Variants in KMT2A observed in about 807,000 individuals in gnomAD.
KMT2A encodes lysine methyltransferase 2A.
A neutral mutation model predicts 345.3 loss-of-function variants in KMT2A; 16 were observed. The ratio of observed to expected loss-of-function variants is 0.05; its 90% CI spans 0.03 to 0.07. The LOEUF (loss-of-function observed/expected upper bound fraction) is 0.07. Ranked by LOEUF, KMT2A falls within the 10% of genes least tolerant of loss-of-function variation. The pLI, the probability that KMT2A is intolerant of heterozygous loss-of-function variation, is 1.00. For synonymous variants in KMT2A, 1,599 were observed against 1,778.6 expected, an observed-to-expected ratio of 0.90 and a Z score of 2.54; for missense variants, 3,272 against 4,841.6, an observed-to-expected ratio of 0.68 and a Z score of 9.62.
rs781859799 is a variant in KMT2A, at chr11:118,484,102, G to T, written c.4087-81G>T. The T allele has an allele frequency of 7.1e-5, 93 of 1,308,890 alleles. No homozygotes were observed. Among genetic ancestry groups the T allele is most frequent in the Non-Finnish European group, 9.5e-5 (89 of 935,424 alleles). 81.1% of individuals were successfully genotyped at this position (1,308,890 alleles called of 1,614,324 possible). ...TTTTTTAGATCTATTAATAAAATTT[G>T]TCATTTGCATTATTATCTGTTGCAA... On this transcript the variant is annotated intron_variant, in intron 8 of 35. Coordinates refer to ENST00000534358, the MANE Select transcript of KMT2A (RefSeq NM_001197104.2). The surrounding 1 kb of genome is among the most constrained non-coding windows in gnomAD (Gnocchi z 4.1).
chr11:118,469,924 A>G (rs999324483), intron 2 of KMT2A, among the ~76,000 whole-genome samples: 5 of 152,242 alleles, frequency 3.3e-5, no homozygotes, highest in African/African-American at 1.2e-4. Flanking sequence ...TATCTGTGCT[A>G]TTCAGACAGT....
At position 118,511,666 on chromosome 11, in the gene KMT2A, G is replaced by A. The variant is rs9332853; in HGVS notation, c.11072-285G>A. On this transcript the variant is annotated intron_variant, in intron 30 of 35. Transcript: ENST00000534358. ...TGTGAGACCCAGACTTCCATCAAGG[G>A]ATGTGAATGCGTTGGGGATTCAGAG... Among the ~76,000 whole-genome samples, 1,155 of 152,316 alleles carry A rather than the reference G, an allele frequency of 7.6e-3. 17 individuals carry two copies. Among genetic ancestry groups the A allele is most frequent in the African/African-American group, 0.026 (1,067 of 41,576 alleles).
intron 26 of KMT2A, 136 bp downstream of exon 26, chr11:118,501,993 C>T: frequency 1.3e-6 from 1 of 743,264 alleles, no homozygotes. Flanking sequence ...TGGCTCATGC[C>T]TGTAATCCTA....
At chr11:118,482,328 T>G (rs1326638135) in intron 7 of KMT2A, 94 bp from the exon 8 acceptor site, 6 of 976,890 alleles carry the variant, frequency 6.1e-6, no homozygotes, top group African/African-American at 5.0e-5. Context: ...AATAGTTTTT[T>G]TTTTTTTTTT....
At position 118,473,213 on chromosome 11, in the gene KMT2A, G is replaced by A. The variant is rs1269203858; in HGVS notation, c.2054G>A (p.Gly685Glu). The change falls in exon 3 of 36, where the codon GGA becomes GAA. Residue 685 changes from glycine (G) to glutamate (E), a missense_variant. Physicochemically the swap from Gly to Glu is moderately conservative, Grantham distance 98 (BLOSUM62 -2). Coordinates refer to ENST00000534358, the MANE Select transcript of KMT2A (RefSeq NM_001197104.2). The surrounding 1 kb of genome is among the most constrained non-coding windows in gnomAD (Gnocchi z 5.2). ...CGATTGTTTTCGCCACTCCATTCTG[G>A]AACAAGGTTTGATATGCACAAAAGG... Reference protein sequence around the residue: ...SARLFSPLHSGTRFDMHKRSP... With the variant: ...SARLFSPLHSETRFDMHKRSP... 1 of 1,613,040 alleles carries A rather than the reference G, an allele frequency of 6.2e-7. No homozygotes were observed. Among genetic ancestry groups the A allele is most frequent in the Non-Finnish European group, 8.5e-7 (1 of 1,179,532 alleles).
Position 118,499,796 on chromosome 11 carries a change from T to C in KMT2A, c.6080-39T>C, listed in dbSNP as rs201461822. On this transcript the variant is annotated intron_variant, in intron 23 of 35. Coordinates refer to ENST00000534358, the MANE Select transcript of KMT2A (RefSeq NM_001197104.2). ...CTCTCTCAAAAAAATAAAATGACGC[T>C]CATAATCTTCTCTAATCGGTTCTTC... 7.6e-6 allele frequency: 11 copies of C among 1,441,608 alleles called. No homozygotes were observed. The East Asian group carries it at 2.5e-4, about 33-fold the overall frequency. The allele number at this position is 1,441,608 out of a possible 1,614,324, so 89.3% of individuals were successfully genotyped here.
Position 118,436,750 on chromosome 11 carries a change from G to C in KMT2A, c.238G>C (p.Ala80Pro), listed in dbSNP as rs782191019. 5.0e-6 allele frequency: 8 copies of C among 1,588,500 alleles called. No individual in the cohort carries two copies. In the South Asian group the frequency reaches 9.0e-5, roughly 18 times the overall value. The change falls in exon 1 of 36, where the codon GCC (alanine) becomes CCC (proline). Residue 80 changes from alanine (A) to proline (P), a missense_variant. This residue lies in a region of KMT2A where 412 missense variants were observed against 511.0 expected (regional missense o/e 0.81). Transcript: ENST00000534358. This position sits in a 1 kb window ranked among gnomAD's most constrained non-coding sequence, Gnocchi z 6.9. ...GGCTGGGGTTCCAGGGGGAGCGGCC[G>C]CCGCCTCAGCAGCCTCCTCGTCGTC... Reference protein sequence around the residue: ...SGAGVPGGAAAASAASSSSAS... With the variant: ...SGAGVPGGAAPASAASSSSAS...
chr11:118,513,364 G>C (rs1197471682), intron 31 of KMT2A, among the ~76,000 whole-genome samples: 1 of 151,944 alleles, frequency 6.6e-6, no homozygotes, highest in African/African-American at 2.4e-5. Flanking sequence ...TGGAAAGGTG[G>C]GTGAATGGGT....
chr11:118,484,105 A>T lies in KMT2A; in HGVS notation c.4087-78A>T. On this transcript the variant is annotated intron_variant, in intron 8 of 35. Transcript: ENST00000534358. This position sits in a 1 kb window ranked among gnomAD's most constrained non-coding sequence, Gnocchi z 4.1. The stretch of plus-strand genomic sequence containing the variant: ...TTTAGATCTATTAATAAAATTTGTC[A>T]TTTGCATTATTATCTGTTGCAAATG... The T allele has an allele frequency of 2.2e-6, 3 of 1,350,820 alleles. No homozygotes were observed. Among genetic ancestry groups the T allele is most frequent in the Non-Finnish European group, 3.1e-6 (3 of 971,228 alleles). The allele number at this position is 1,350,820 out of a possible 1,614,324, so 83.7% of individuals were successfully genotyped here. A position where few individuals can be genotyped will look rare whatever the true frequency, so the allele number is the denominator to read the frequency against.
At position 118,505,445 on chromosome 11, in the gene KMT2A, T is replaced by C. The variant is rs782068963; in HGVS notation, c.9553T>C (p.Ser3185Pro). The C allele has an allele frequency of 4.3e-6, 7 of 1,614,162 alleles. No individual in the cohort carries two copies. The highest frequency in any genetic ancestry group is 5.1e-6 in the Non-Finnish European group (6 of 1,180,024). The change falls in exon 27 of 36, where the codon TCA becomes CCA. Residue 3185 changes from serine (S) to proline (P), a missense_variant. Around this residue, in one of 27 missense-constraint regions of KMT2A, gnomAD observed 748 missense variants for 922.2 expected, o/e 0.81. Coordinates refer to ENST00000534358, the MANE Select transcript of KMT2A (RefSeq NM_001197104.2). The surrounding 1 kb of genome is among the most constrained non-coding windows in gnomAD (Gnocchi z 4.6). ...CCCACCAAACATCAGCAATCCTCCT[T>C]CAGGCCTGCTTATTGGGGTTCAGCC... ...SFPPNISNPP[S>P]GLLIGVQPPP...
Position 118,510,664 on chromosome 11 carries a change from C to T in KMT2A, c.11071+546C>T, listed in dbSNP as rs782551269. ...TTTACTTTTATCACTCACTCAACAGCGAGCTCTCCATAAGGGCTGGAATTT... is the reference window on the plus strand; with the variant it reads ...TTTACTTTTATCACTCACTCAACAGTGAGCTCTCCATAAGGGCTGGAATTT... On this transcript the variant is annotated intron_variant, in intron 30 of 35. Coordinates refer to ENST00000534358, the MANE Select transcript of KMT2A (RefSeq NM_001197104.2). This position sits in a 1 kb window ranked among gnomAD's most constrained non-coding sequence, Gnocchi z 4.1. 2.6e-5 allele frequency among the ~76,000 whole-genome samples: 4 copies of T among 152,182 alleles called. No individual in the cohort carries two copies. Among genetic ancestry groups the T allele is most frequent in the Non-Finnish European group, 4.4e-5 (3 of 68,032 alleles).
At chr11:118,507,830 G>A (rs1950613517) in intron 28 of KMT2A, 1 of 432,136 alleles carries the variant, frequency 2.3e-6, no homozygotes, top group Non-Finnish European at 4.3e-6. Context: ...GGGCGTGATG[G>A]CGGGCGCCTG....
In KMT2A at chr11:118,472,717, G is replaced by A. The variant is rs1388584132; in HGVS notation, c.1558G>A (p.Glu520Lys). 1.2e-6 allele frequency: 2 copies of A among 1,613,404 alleles called. No individual in the cohort carries two copies. The highest frequency in any genetic ancestry group is 1.7e-6 in the Non-Finnish European group (2 of 1,179,936). Residue 520 changes from glutamate to lysine, a missense_variant, in exon 3 of 36, where the codon GAA becomes AAA. Glu to Lys is a moderately conservative substitution (Grantham distance 56). Coordinates refer to ENST00000534358, the MANE Select transcript of KMT2A (RefSeq NM_001197104.2). ...HPPLPISQSP[E>K]NESNDRRSRR... ...TCCACTGCCCATTTCCCAGTCCCCA[G>A]AAAATGAGAGTAATGATAGGAGAAG...
chr11:118,439,004 C>G (rs1949258509), intron 1 of KMT2A: 1 of 485,870 alleles, frequency 2.1e-6, no homozygotes, highest in Non-Finnish European at 4.1e-6. Context: ...TTTTGAAAGG[C>G]CAATTCTGTA....
intron 1 of KMT2A, among the ~76,000 whole-genome samples, chr11:118,458,674 A>C (rs1949691644): frequency 1.3e-5 from 2 of 152,236 alleles, no homozygotes; most frequent in South Asian, 4.1e-4. Flanking sequence ...ACTAGTAATT[A>C]TGTGAGCATG....
rs2134414717 is a variant in KMT2A, at chr11:118,506,563, G to A, written c.10671G>A (p.Lys3557=). The change falls in exon 27 of 36, where the codon AAG becomes AAA. Residue 3557 remains lysine (K), a synonymous_variant. Transcript: ENST00000534358. ...QLPLDKGNGK[K]HKVSHLRTSS... The stretch of plus-strand genomic sequence containing the variant: ...CTCTAGACAAAGGGAATGGCAAGAA[G>A]CACAAAGTTTCCCATTTGCGGACCA... The A allele has an allele frequency of 6.2e-7, 1 of 1,614,166 alleles. No individual in the cohort carries two copies. The highest frequency in any genetic ancestry group is 8.5e-7 in the Non-Finnish European group (1 of 1,180,034).
chr11:118,442,526 G>A (rs1221136908), intron 1 of KMT2A, among the ~76,000 whole-genome samples: 3 of 152,136 alleles, frequency 2.0e-5, no homozygotes, highest in Admixed American at 2.0e-4. Context: ...TCTCAGACTC[G>A]TGATTTTTGT....
chr11:118,513,393 T>G (rs1222443950), intron 31 of KMT2A, among the ~76,000 whole-genome samples: 1 of 144,622 alleles, frequency 6.9e-6, no homozygotes, highest in Non-Finnish European at 1.5e-5. Context: ...GAATTTTAAC[T>G]TTTTTTTTTT....
Position 118,525,483 on chromosome 11 carries a change from G to A in KMT2A, c.*3311G>A, listed in dbSNP as rs1555055247. ...TAACAAGAATTAAGGGGGAAGCCCT[G>A]GCAGCTATACGTTTTCAACCAGACT... On this transcript the variant is annotated 3_prime_UTR_variant, in exon 36 of 36. Coordinates refer to ENST00000534358, the MANE Select transcript of KMT2A (RefSeq NM_001197104.2). The A allele has an allele frequency of 4.4e-6, 1 of 226,976 alleles. No homozygotes were observed. The highest frequency in any genetic ancestry group is 6.3e-5 in the East Asian group (1 of 15,840). The allele number at this position is 226,976 out of a possible 1,614,324, so 14.1% of individuals were successfully genotyped here. A position where few individuals can be genotyped will look rare whatever the true frequency, so the allele number is the denominator to read the frequency against.
Sources: allele counts gnomAD v4.1 joint callset (sites outside exome capture counted in the v4.1 genomes callset), GRCh38; gene constraint gnomAD v4.1.1; regional missense constraint gnomAD v4.1.1; non-coding constraint Gnocchi (gnomAD v3.1); transcripts MANE v1.5; gene names NCBI Gene and HGNC (gene_info 2026-07-23, HGNC 2026-07-21).